MLLT10: variants seen among roughly 807,000 people sequenced by gnomAD.
MLLT10 encodes MLLT10 histone lysine methyltransferase DOT1L cofactor.
MLLT10 carries 30 observed loss-of-function variants against 129.1 expected under a neutral mutation model. That is an observed-to-expected ratio of 0.23 (90% CI 0.17 to 0.32). MLLT10 has a LOEUF of 0.32. Among genes scored for constraint, MLLT10 ranks in the 10% least tolerant of loss-of-function variants. The pLI is 1.00. For synonymous variants in MLLT10, 490 were observed against 446.4 expected (o/e 1.10, Z -1.23); for missense variants, 1,119 against 1,268.3 (o/e 0.88, Z 1.79).
At chr10:21,695,264 C>T (rs1211542424) in intron 13 of MLLT10, among the ~76,000 whole-genome samples, 3 of 151,984 alleles carry the variant, frequency 2.0e-5, no homozygotes, top group Non-Finnish European at 4.4e-5. Context: ...GTCTCGAACT[C>T]CTGACCTCAA....
chr10:21,657,789 A>G (rs2049762945), intron 9 of MLLT10, among the ~76,000 whole-genome samples: 1 of 152,186 alleles, frequency 6.6e-6, no homozygotes, highest in Admixed American at 6.5e-5. Context: ...AATTTTAAGT[A>G]AATCCTTTCA....
chr10:21,739,006 A>G (rs1458631603), intron 21 of MLLT10, among the ~76,000 whole-genome samples: 1 of 152,140 alleles, frequency 6.6e-6, no homozygotes, highest in Non-Finnish European at 1.5e-5. Context: ...CATTTCAAAC[A>G]TAACGTGTCC....
rs1157285814 is a variant in MLLT10, at chr10:21,734,057, A to T, written c.2786A>T (p.Asn929Ile). Residue 929 changes from asparagine (N) to isoleucine (I), a missense_variant, in exon 20 of 23, where the codon AAC becomes ATC. Asn to Ile is a moderately radical substitution (Grantham distance 149). Coordinates refer to ENST00000307729, the MANE Select transcript of MLLT10 (RefSeq NM_001195626.3). ...VMQTPVTMSQ[N>I]PTPLTHTTVP... ...CAGACTCCTGTCACAATGTCCCAGAACCCTACCCCTCTCACCCACACAACC... is the reference window on the plus strand; with the variant it reads ...CAGACTCCTGTCACAATGTCCCAGATCCCTACCCCTCTCACCCACACAACC... 1 of 1,614,134 alleles carries T rather than the reference A, an allele frequency of 6.2e-7. No individual in the cohort carries two copies.
At chr10:21,612,976 C>T (rs766908468) in intron 6 of MLLT10, among the ~76,000 whole-genome samples, 3 of 151,950 alleles carry the variant, frequency 2.0e-5, no homozygotes, top group Non-Finnish European at 4.4e-5. Flanking sequence ...GGTGGATCAC[C>T]TGAGGTCAGG....
intron 21 of MLLT10, chr10:21,738,468 A>C: frequency 7.8e-7 from 1 of 1,289,064 alleles, no homozygotes; most frequent in South Asian, 1.2e-5. Flanking sequence ...TATTGCTTGG[A>C]GACCATGAGG....
In MLLT10 at chr10:21,552,828, T is replaced by G. The variant is rs61850041; in HGVS notation, c.240+13916T>G. 6.6e-3 allele frequency among the ~76,000 whole-genome samples: 1,007 copies of G among 152,216 alleles called. 8 individuals are homozygous for G. The highest frequency in any genetic ancestry group is 0.011 in the Non-Finnish European group (721 of 68,002). On this transcript the variant is annotated intron_variant, in intron 3 of 22. Coordinates refer to ENST00000307729, the MANE Select transcript of MLLT10 (RefSeq NM_001195626.3). The stretch of plus-strand genomic sequence containing the variant: ...TTCTTTCCGTCTCCTCTTTCTCCTC[T>G]CTTTGATTTTATTCTTCTCTGTTCC...
rs1432253622 is a variant in MLLT10 at position 21,659,512 on chromosome 10, CT to C, written c.795+7760del. ...CTACTTTGCTCTTCTTACTCTTAAT[CT>C]TTTTTTTTTTTTTTTGAGACGGATT... On this transcript the variant is annotated intron_variant, in intron 9 of 22. Coordinates refer to ENST00000307729, the MANE Select transcript of MLLT10 (RefSeq NM_001195626.3). Among the ~76,000 whole-genome samples the C allele has an allele frequency of 4.3e-3, 608 of 139,802 alleles. 1 individual carries two copies. Among genetic ancestry groups the C allele is most frequent in the African/African-American group, 8.5e-3 (325 of 38,352 alleles). 91.7% of individuals were successfully genotyped at this position (139,802 alleles called of 152,430 possible).
chr10:21,534,637 C>T lies in MLLT10; in HGVS notation c.1-8C>T, dbSNP rs2033482007. Reference sequence around the variant, plus strand: ...TGTTTTTTAATGGTCCCCCCAACTCCCTCTTAGATGGTCTCTAGCGACCGG... The same window carrying T: ...TGTTTTTTAATGGTCCCCCCAACTCTCTCTTAGATGGTCTCTAGCGACCGG... On this transcript the variant is annotated splice_region_variant and splice_polypyrimidine_tract_variant and intron_variant, in intron 1 of 22. Transcript: ENST00000307729. The T allele has an allele frequency of 1.9e-6, 3 of 1,603,408 alleles. No homozygotes were observed. Among genetic ancestry groups the T allele is most frequent in the South Asian group, 1.1e-5 (1 of 89,778 alleles).
intron 12 of MLLT10, among the ~76,000 whole-genome samples, chr10:21,681,889 A>G (rs565167261): frequency 1.3e-5 from 2 of 152,302 alleles, no homozygotes; most frequent in African/African-American, 4.8e-5. Context: ...TTTGCATCCT[A>G]CAGTGACTCA....
At chr10:21,638,289 T>C (rs1340582191) in intron 8 of MLLT10, among the ~76,000 whole-genome samples, 1 of 151,354 alleles carries the variant, frequency 6.6e-6, no homozygotes, top group Non-Finnish European at 1.5e-5. Context: ...CTAAGGAATA[T>C]TTTAAAGATG....
chr10:21,580,491 C>T (rs974720107), intron 3 of MLLT10, among the ~76,000 whole-genome samples: 4 of 150,586 alleles, frequency 2.7e-5, no homozygotes, highest in African/African-American at 7.3e-5. Context: ...TGGATTCACG[C>T]CATTCTCCTG....
At chr10:21,556,534 T>G in intron 3 of MLLT10, 1 of 762,766 alleles carries the variant, frequency 1.3e-6, no homozygotes. Flanking sequence ...TGTAGATTTC[T>G]TCCATTTACC....
intron 13 of MLLT10, among the ~76,000 whole-genome samples, chr10:21,697,658 T>G (rs2054506784): frequency 6.6e-6 from 1 of 152,124 alleles, no homozygotes; most frequent in South Asian, 2.1e-4. Flanking sequence ...CTGGAGAGAT[T>G]TAGGAACACC....
chr10:21,543,013 C>T (rs2035457190), intron 3 of MLLT10, among the ~76,000 whole-genome samples: 1 of 151,488 alleles, frequency 6.6e-6, no homozygotes, highest in Non-Finnish European at 1.5e-5. Flanking sequence ...GGCTGGAGTG[C>T]AATGGCGCGA....
intron 3 of MLLT10, among the ~76,000 whole-genome samples, chr10:21,571,608 A>G (rs2040212403): frequency 6.6e-6 from 1 of 152,210 alleles, no homozygotes; most frequent in Non-Finnish European, 1.5e-5. Context: ...ATTTCGTGCA[A>G]GGAGGCTATA....
intron 13 of MLLT10, among the ~76,000 whole-genome samples, chr10:21,699,047 G>C (rs997077309): frequency 5.3e-5 from 8 of 152,084 alleles, no homozygotes; most frequent in African/African-American, 1.9e-4. Context: ...GCTAATTTTT[G>C]TACTTTTAGT....
At chr10:21,586,690 C>A (rs1481900870) in intron 4 of MLLT10, among the ~76,000 whole-genome samples, 3 of 152,010 alleles carry the variant, frequency 2.0e-5, no homozygotes, top group Non-Finnish European at 2.9e-5. Context: ...GAGTCGAGAC[C>A]AGCCTGGCCA....
At chr10:21,620,433 T>G (rs1013107694) in intron 8 of MLLT10, among the ~76,000 whole-genome samples, 1 of 152,316 alleles carries the variant, frequency 6.6e-6, no homozygotes, top group East Asian at 1.9e-4. Flanking sequence ...CTTCTAGATT[T>G]ACCATGGAGT....
intron 21 of MLLT10, among the ~76,000 whole-genome samples, chr10:21,737,828 A>G (rs1265855353): frequency 2.0e-5 from 3 of 152,080 alleles, no homozygotes; most frequent in Non-Finnish European, 4.4e-5. Flanking sequence ...TTAACATAGA[A>G]ATTACAAAGG....
Sources: gnomAD v4.1 joint callset for allele counts (sites outside exome capture counted in the v4.1 genomes callset) on GRCh38, gnomAD v4.1.1 for gene constraint, MANE v1.5 for transcripts, NCBI Gene and HGNC (gene_info 2026-07-23, HGNC 2026-07-21) for gene names.